The following TADA2A variants were observed in gnomAD, a reference collection of about 807,000 sequenced individuals.
TADA2A encodes the protein transcriptional adapter 2-alpha.
A neutral mutation model predicts 67.4 loss-of-function variants in TADA2A; 38 were observed. The observed-to-expected ratio is 0.56, with a 90% CI of 0.44 to 0.74. The LOEUF is 0.74. Ranked by LOEUF, TADA2A falls within the 30% of genes least tolerant of loss-of-function variation. The pLI is 0.00. For missense variants in TADA2A, 454 were observed against 547.0 expected, an observed-to-expected ratio of 0.83 and a Z score of 1.70; for synonymous variants, 192 against 181.6, an observed-to-expected ratio of 1.06 and a Z score of -0.46.
intron 1 of TADA2A, chr17:37,407,818 A>C (rs953328140): frequency 1.3e-5 from 2 of 152,080 alleles, no homozygotes; most frequent in Admixed American, 6.6e-5. Context: ...CGAACTCCTG[A>C]CCTCAAGTGA....
In TADA2A at chr17:37,462,491, G is replaced by T. The variant is rs974779064; in HGVS notation, c.712+370G>T. 2.6e-5 allele frequency among the ~76,000 whole-genome samples: 4 copies of T among 152,032 alleles called. No homozygotes were observed. The East Asian group carries it at 7.7e-4, about 29-fold the overall frequency. ...AAAATACAAAAAAAAAATTAGCCAG[G>T]CGTGGCGGCATGCACCTGCAATCCC... On this transcript the variant is annotated intron_variant, in intron 10 of 15. Transcript: ENST00000615182.
At chr17:37,445,710 G>T (rs1156669644) in intron 8 of TADA2A, among the ~76,000 whole-genome samples, 1 of 150,606 alleles carries the variant, frequency 6.6e-6, no homozygotes, top group East Asian at 1.9e-4. Flanking sequence ...TCCATTTTCA[G>T]TGAACTACAT....
intron 4 of TADA2A, among the ~76,000 whole-genome samples, chr17:37,427,406 G>T (rs1319687512): frequency 6.6e-6 from 1 of 152,188 alleles, no homozygotes; most frequent in African/African-American, 2.4e-5. Flanking sequence ...TGGTGTTTTT[G>T]TTGAGCAGTT....
intron 4 of TADA2A, among the ~76,000 whole-genome samples, chr17:37,428,918 C>T (rs1392171338): frequency 3.3e-5 from 5 of 151,548 alleles, no homozygotes; most frequent in Admixed American, 6.6e-5. Flanking sequence ...TGGTGGTGGG[C>T]GCCTGTAGTC....
intron 1 of TADA2A, among the ~76,000 whole-genome samples, chr17:37,409,771 A>AAAAAAC (rs1023953646): frequency 7.0e-6 from 1 of 143,308 alleles, no homozygotes; most frequent in African/African-American, 2.5e-5. Context: ...TAGTCTCAAA[A>AAAAAAC]AAAAACAAAA....
At chr17:37,457,869 T>C (rs1179888534) in intron 8 of TADA2A, among the ~76,000 whole-genome samples, 3 of 152,180 alleles carry the variant, frequency 2.0e-5, no homozygotes, top group African/African-American at 7.2e-5. Flanking sequence ...ATTCACTATA[T>C]ATAGTAATAG....
At position 37,411,403 on chromosome 17, in the gene TADA2A, G is replaced by A. The variant is rs778964541; in HGVS notation, c.25+13G>A. The A allele has an allele frequency of 4.3e-6, 7 of 1,611,778 alleles. No individual in the cohort carries two copies. In the African/African-American group the frequency reaches 8.0e-5, roughly 18 times the overall value. On this transcript the variant is annotated intron_variant, in intron 2 of 15. Transcript: ENST00000615182. ...GGTTCCTTTAGCAGTAAGTACAGTG[G>A]GAACAAGTCTCAGGTGACTTATTAT...
intron 6 of TADA2A, 84 bp downstream of exon 6, chr17:37,440,746 C>A: frequency 6.7e-7 from 1 of 1,490,100 alleles, no homozygotes; most frequent in Non-Finnish European, 9.2e-7. Flanking sequence ...GATTTGATGA[C>A]TTGGACAGCT....
chr17:37,474,409 G>A, intron 14 of TADA2A, 147 bp from the exon 15 acceptor site: 2 of 661,056 alleles, frequency 3.0e-6, no homozygotes, highest in Non-Finnish European at 5.2e-6. Context: ...TAGCTAAACA[G>A]GCCTGAGGGA....
intron 3 of TADA2A, among the ~76,000 whole-genome samples, chr17:37,425,622 G>A (rs895527293): frequency 6.6e-6 from 1 of 151,954 alleles, no homozygotes; most frequent in Non-Finnish European, 1.5e-5. Flanking sequence ...ATGTACTTTC[G>A]ATTATAAGAT....
chr17:37,451,387 T>G (rs2053229263), intron 8 of TADA2A, among the ~76,000 whole-genome samples: 1 of 151,260 alleles, frequency 6.6e-6, no homozygotes, highest in East Asian at 1.9e-4. Flanking sequence ...GGTGCAATCT[T>G]AGCTCACCAC....
intron 2 of TADA2A, among the ~76,000 whole-genome samples, chr17:37,420,842 C>T (rs1247916935): frequency 6.8e-6 from 1 of 146,710 alleles, no homozygotes; most frequent in Non-Finnish European, 1.5e-5. Flanking sequence ...AATTAAATTC[C>T]TTCATCTACC....
chr17:37,418,430 C>T (rs1412328913), intron 2 of TADA2A, among the ~76,000 whole-genome samples: 3 of 151,868 alleles, frequency 2.0e-5, no homozygotes, highest in Admixed American at 2.0e-4. Flanking sequence ...AAATGGCTCC[C>T]TAGGGGGGAG....
At chr17:37,437,128 C>G (rs2052751761) in intron 4 of TADA2A, among the ~76,000 whole-genome samples, 1 of 147,232 alleles carries the variant, frequency 6.8e-6, no homozygotes, top group Admixed American at 6.7e-5. Context: ...CTCTGTCGCC[C>G]AGGCTGGAGT....
chr17:37,422,233 A>G lies in TADA2A; in HGVS notation c.26-1276A>G, dbSNP rs539060279. ...GCTAATTTTTGTGTTTTTAGTAGAG[A>G]TGGGGTTTCACCATCTTGGCCAGGC... On this transcript the variant is annotated intron_variant, in intron 2 of 15. Coordinates refer to ENST00000615182, the MANE Select transcript of TADA2A (RefSeq NM_001166105.3). 6.0e-4 allele frequency among the ~76,000 whole-genome samples: 86 copies of G among 144,072 alleles called. 6 individuals are homozygous for G. The South Asian group carries it at 0.011, about 18-fold the overall frequency. 94.5% of individuals were successfully genotyped at this position (144,072 alleles called of 152,430 possible).
intron 15 of TADA2A, 26 bp downstream of exon 15, chr17:37,474,655 A>T (rs527847668): frequency 1.3e-6 from 2 of 1,598,192 alleles, no homozygotes; most frequent in East Asian, 4.5e-5. Context: ...GGGCTGGGAG[A>T]AAGAGAATAG....
chr17:37,423,833 T>G (rs2052322476), intron 3 of TADA2A, among the ~76,000 whole-genome samples: 1 of 150,656 alleles, frequency 6.6e-6, no homozygotes, highest in African/African-American at 2.4e-5. Context: ...AACTGCAATC[T>G]CCACCTCTTA....
Position 37,479,002 on chromosome 17 carries a change from T to A in TADA2A, c.*2020T>A, listed in dbSNP as rs902844737. On this transcript the variant is annotated 3_prime_UTR_variant, in exon 16 of 16. Coordinates refer to ENST00000615182, the MANE Select transcript of TADA2A (RefSeq NM_001166105.3). ...TTGGTTGTGAAGTGATTGCCTCTTA[T>A]CCCTGAAAGGAAACTCCTGTTCTGA... is the stretch of plus-strand genomic sequence containing the variant. The A allele has an allele frequency of 2.0e-5, 3 of 152,210 alleles. No homozygotes were observed. Among genetic ancestry groups the A allele is most frequent in the Admixed American group, 2.0e-4 (3 of 15,288 alleles). 9.4% of individuals were successfully genotyped at this position (152,210 alleles called of 1,614,324 possible). A position where few individuals can be genotyped will look rare whatever the true frequency, so the allele number is the denominator to read the frequency against.
chr17:37,472,920 AT>A (rs34252204), intron 14 of TADA2A, among the ~76,000 whole-genome samples: 71,880 of 151,522 alleles, frequency 0.47, 17,685 homozygotes, highest in East Asian at 0.8. Flanking sequence ...ATGATCATAT[AT>A]TTTTGTTCTC....
Sources: gnomAD v4.1 joint callset for allele counts (sites outside exome capture counted in the v4.1 genomes callset) on GRCh38, gnomAD v4.1.1 for gene constraint, MANE v1.5 for transcripts, NCBI Gene and HGNC (gene_info 2026-07-23, HGNC 2026-07-21) for gene names.